Variants in HSPA14 observed in about 807,000 individuals in gnomAD.
HSPA14 encodes heat shock 70 kDa protein 14.
In HSPA14, 37 loss-of-function variants were observed where a neutral mutation model predicts 65.5. The ratio of observed to expected loss-of-function variants is 0.56; its 90% confidence interval spans 0.43 to 0.74. The LOEUF (loss-of-function observed/expected upper bound fraction) is 0.74, where lower values mean the gene tolerates loss of function less well. Among genes scored for constraint, HSPA14 ranks in the 30% least tolerant of loss-of-function variants. The probability of loss-of-function intolerance (pLI) is 0.00; values close to 1 mark genes in which losing one functional copy is unlikely to be tolerated. For synonymous variants in HSPA14, 203 were observed against 214.2 expected (o/e 0.95, Z 0.46); for missense variants, 564 against 607.6 (o/e 0.93, Z 0.75).
Position 14,854,520 on chromosome 10 carries a change from C to T in HSPA14, c.890+240C>T, listed in dbSNP as rs1283314197. 2.0e-5 allele frequency among the ~76,000 whole-genome samples: 3 copies of T among 152,118 alleles called. No homozygotes were observed. In the South Asian group the frequency reaches 6.2e-4, roughly 32 times the overall value. ...TACAATTAGGAGTGTGCAAAGGCAT[C>T]CTAGAACCTTCAACCTAGATCCTAC... is the stretch of plus-strand genomic sequence containing the variant. On this transcript the variant is annotated intron_variant, in intron 9 of 13. Transcript: ENST00000378372.
At position 14,865,286 on chromosome 10, in the gene HSPA14, G is replaced by C. The variant is rs374293661; in HGVS notation, c.994-1797G>C. 2.4e-4 allele frequency among the ~76,000 whole-genome samples: 37 copies of C among 152,056 alleles called. No homozygotes were observed. In the East Asian group the frequency reaches 6.2e-3, roughly 25 times the overall value. ...ATTCTGTAGGTTGCCTGTTCACTCT[G>C]ATGGTAGTTTCTTTTGCTGTGCAGA... On this transcript the variant is annotated intron_variant, in intron 10 of 13. Transcript: ENST00000378372.
rs562831630 is a variant in HSPA14, at chr10:14,850,893, A to G, written c.468-326A>G. 7.1e-5 allele frequency: 13 copies of G among 182,820 alleles called. No homozygotes were observed. In the East Asian group the frequency reaches 1.3e-3, roughly 18 times the overall value. 11.3% of individuals were successfully genotyped at this position (182,820 alleles called of 1,614,324 possible). A position where few individuals can be genotyped will look rare whatever the true frequency, so the allele number is the denominator to read the frequency against. ...GACAGGACACCTGTCCTAGACTCTC[A>G]GAGCCCCAAAAGACTCTCATCTTTT... On this transcript the variant is annotated intron_variant, in intron 6 of 13. Transcript: ENST00000378372.
chr10:14,854,407 T>C (rs966785662), intron 9 of HSPA14, 127 bp downstream of exon 9: 1 of 708,562 alleles, frequency 1.4e-6, no homozygotes, highest in Non-Finnish European at 2.3e-6. Flanking sequence ...ATGTCTTCAC[T>C]TTATTGGGGT....
chr10:14,869,688 C>G (rs1024723587), intron 12 of HSPA14, among the ~76,000 whole-genome samples: 1 of 152,210 alleles, frequency 6.6e-6, no homozygotes, highest in African/African-American at 2.4e-5. Context: ...AACTTGGAAT[C>G]TATTGGTAAA....
chr10:14,856,819 C>T (rs931394205), intron 10 of HSPA14, among the ~76,000 whole-genome samples: 1 of 152,070 alleles, frequency 6.6e-6, no homozygotes, highest in Non-Finnish European at 1.5e-5. Flanking sequence ...TGATTCGTAC[C>T]ACTGCACTCC....
At position 14,855,857 on chromosome 10, in the gene HSPA14, C is replaced by T. The variant is rs770200908; in HGVS notation, c.907C>T (p.Leu303Phe). The change falls in exon 10 of 14, where the codon CTT (leucine) becomes TTT (phenylalanine). Residue 303 changes from leucine (L) to phenylalanine (F), a missense_variant. By Grantham distance (22) the Leu-to-Phe change is conservative. Coordinates refer to ENST00000378372, the MANE Select transcript of HSPA14 (RefSeq NM_016299.4). ...CNVSRARFEL[L>F]CSPLFNKCIE... ...TGTGTACAGAGCAAGATTTGAACTT[C>T]TTTGTTCTCCACTTTTTAATAAGTG... 6.3e-7 allele frequency: 1 copy of T among 1,599,622 alleles called. No homozygotes were observed.
chr10:14,843,929 G>A, intron 3 of HSPA14: 3 of 1,533,270 alleles, frequency 2.0e-6, no homozygotes, highest in Non-Finnish European at 2.6e-6. Context: ...TCCTAAACTG[G>A]TAGAAGTCTA....
Position 14,838,418 on chromosome 10 carries a change from G to C in HSPA14, c.16G>C (p.Val6Leu). The C allele has an allele frequency of 1.2e-6, 2 of 1,606,118 alleles. No homozygotes were observed. The highest frequency in any genetic ancestry group is 1.7e-6 in the Non-Finnish European group (2 of 1,178,410). ...CTGCTGCCTCATGGCGGCCATCGGA[G>C]TTCACCTGGGCTGCACCTCAGCCTG... Reference protein sequence around the residue: MAAIGVHLGCTSACVA... With the variant: MAAIGLHLGCTSACVA... The change falls in exon 1 of 14, where the codon GTT (valine) becomes CTT (leucine). Residue 6 changes from valine (V) to leucine (L), a missense_variant. Physicochemically the swap from Val to Leu is conservative, Grantham distance 32. Coordinates refer to ENST00000378372, the MANE Select transcript of HSPA14 (RefSeq NM_016299.4).
intron 3 of HSPA14, chr10:14,846,007 C>T (rs1046453974): frequency 1.8e-5 from 17 of 933,218 alleles, no homozygotes; most frequent in African/African-American, 5.3e-5. Flanking sequence ...TATTTTCTGT[C>T]ACAGCAGCAT....
rs565240062 is a variant in HSPA14 at position 14,844,063 on chromosome 10, A to G, written c.221+3906A>G. On this transcript the variant is annotated intron_variant, in intron 3 of 13. Transcript: ENST00000378372. ...CTAGTTCATTTTCCCAAGATTCTCC[A>G]CCAAATGGAAGACCTTTCAGAAATG... 5.0e-5 allele frequency: 72 copies of G among 1,432,458 alleles called. 1 individual carries two copies. Among genetic ancestry groups the G allele is most frequent in the Admixed American group, 2.9e-5 (1 of 34,740 alleles). 88.7% of individuals were successfully genotyped at this position (1,432,458 alleles called of 1,614,324 possible).
intron 9 of HSPA14, among the ~76,000 whole-genome samples, chr10:14,855,094 G>T (rs928317560): frequency 6.6e-6 from 1 of 151,882 alleles, no homozygotes; most frequent in Non-Finnish European, 1.5e-5. Context: ...CCAAGTCCTC[G>T]GTATATATTT....
Position 14,867,811 on chromosome 10 carries a change from C to T in HSPA14, c.1282C>T (p.His428Tyr). ...SGTPLPARRQ[H>Y]TLQAPGSISS... is the part of the protein sequence containing the mutation. ...GACTCCTTTGCCAGCTCGAAGACAACACACATTGCAAGCCCCTGGAAGCAT... is the reference window on the plus strand; with the variant it reads ...GACTCCTTTGCCAGCTCGAAGACAATACACATTGCAAGCCCCTGGAAGCAT... Residue 428 changes from histidine to tyrosine, a missense_variant, in exon 12 of 14, where the codon CAC (histidine) becomes TAC (tyrosine). Coordinates refer to ENST00000378372, the MANE Select transcript of HSPA14 (RefSeq NM_016299.4). 1.9e-6 allele frequency: 3 copies of T among 1,614,076 alleles called. No individual in the cohort carries two copies. Among genetic ancestry groups the T allele is most frequent in the Non-Finnish European group, 2.5e-6 (3 of 1,179,996 alleles).
rs758338252 is a variant in HSPA14, at chr10:14,838,370, C to T, written c.-33C>T. On this transcript the variant is annotated 5_prime_UTR_variant, in exon 1 of 14. Coordinates refer to ENST00000378372, the MANE Select transcript of HSPA14 (RefSeq NM_016299.4). ...GGTAGCTGTTGCTGTTGGGGGACCC[C>T]CTCATTCCTGCCGCTGCCGTCCCTG... 13 of 1,581,744 alleles carry T rather than the reference C, an allele frequency of 8.2e-6. No homozygotes were observed. Among genetic ancestry groups the T allele is most frequent in the South Asian group, 2.3e-5 (2 of 86,976 alleles).
At position 14,867,288 on chromosome 10, in the gene HSPA14, T is replaced by C. The variant is rs747392032; in HGVS notation, c.1199T>C (p.Leu400Ser). Residue 400 changes from leucine (L) to serine (S), a missense_variant, in exon 11 of 14, where the codon TTA (leucine) becomes TCA (serine). Coordinates refer to ENST00000378372, the MANE Select transcript of HSPA14 (RefSeq NM_016299.4). ...ATAGAGTGTTCAGCCAGAGATATTT[T>C]AGTTAAGGTATGTTTAGCTTTTGTA... The part of the protein sequence containing the change: ...LMIECSARDI[L>S]VKGVDESGAS... 1.2e-6 allele frequency: 2 copies of C among 1,610,918 alleles called. No homozygotes were observed. Among genetic ancestry groups the C allele is most frequent in the Middle Eastern group, 1.7e-4 (1 of 6,052 alleles).
rs199663411 is a variant in HSPA14 at position 14,854,154 on chromosome 10, C to T, written c.764C>T (p.Ala255Val). ...RSFKHDVRGN[A>V]RAMMKLTNSA... The stretch of plus-strand genomic sequence containing the variant: ...TTCAAACATGATGTGAGAGGAAATG[C>T]GCGAGCCATGATGAAATTAACGAAC... Residue 255 changes from alanine (A) to valine (V), a missense_variant, in exon 9 of 14, where the codon GCG (alanine) becomes GTG (valine). Ala to Val is a moderately conservative substitution (Grantham distance 64). Coordinates refer to ENST00000378372, the MANE Select transcript of HSPA14 (RefSeq NM_016299.4). 11 of 1,607,756 alleles carry T rather than the reference C, an allele frequency of 6.8e-6. No individual in the cohort carries two copies. Among genetic ancestry groups the T allele is most frequent in the South Asian group, 2.2e-5 (2 of 89,274 alleles).
chr10:14,838,723 G>A (rs1833926626), intron 1 of HSPA14: 2 of 476,054 alleles, frequency 4.2e-6, no homozygotes, highest in Admixed American at 8.0e-5. Context: ...CGGGATGCCC[G>A]GAGGGGTCCC....
intron 9 of HSPA14, among the ~76,000 whole-genome samples, chr10:14,854,496 A>T (rs1422283746): frequency 6.6e-6 from 1 of 152,228 alleles, no homozygotes; most frequent in Non-Finnish European, 1.5e-5. Context: ...TTTTATGGCT[A>T]CAATTAGGAG....
chr10:14,854,193 C>G lies in HSPA14; in HGVS notation c.803C>G (p.Ala268Gly), dbSNP rs561618316. The stretch of plus-strand genomic sequence containing the variant: ...AAATTAACGAACAGTGCTGAAGTAG[C>G]GAAACATTCTTTGTCAACCTTGGGA... ...MMKLTNSAEV[A>G]KHSLSTLGSA... is the part of the protein sequence containing the mutation. Residue 268 changes from alanine to glycine, a missense_variant, in exon 9 of 14, where the codon GCG becomes GGG. Coordinates refer to ENST00000378372, the MANE Select transcript of HSPA14 (RefSeq NM_016299.4). The G allele has an allele frequency of 1.9e-6, 3 of 1,613,422 alleles. No individual in the cohort carries two copies. The highest frequency in any genetic ancestry group is 1.3e-5 in the African/African-American group (1 of 74,910).
At chr10:14,866,874 G>T (rs1832811235) in intron 10 of HSPA14, among the ~76,000 whole-genome samples, 1 of 152,076 alleles carries the variant, frequency 6.6e-6, no homozygotes. Flanking sequence ...AAATTTTGTT[G>T]TGAATAAAGA....
Sources: allele counts gnomAD v4.1 joint callset (sites outside exome capture counted in the v4.1 genomes callset), GRCh38; gene constraint gnomAD v4.1.1; transcripts MANE v1.5; gene names NCBI Gene and HGNC (gene_info 2026-07-23, HGNC 2026-07-21).